CNTNAP5: variants seen among roughly 807,000 people sequenced by gnomAD.
CNTNAP5 encodes contactin associated protein family member 5, also known as contactin-associated protein-like 5.
Under a neutral mutation model 150.2 loss-of-function variants are expected in CNTNAP5, and 72 were observed. The observed-to-expected ratio is 0.48, with a 90% CI of 0.40 to 0.58. The LOEUF (loss-of-function observed/expected upper bound fraction) is 0.58. Among genes scored for constraint, CNTNAP5 ranks in the 20% least tolerant of loss-of-function variants. The pLI is 0.00. For synonymous variants in CNTNAP5, 672 were observed against 619.8 expected, an observed-to-expected ratio of 1.08 and a Z score of -1.25; for missense variants, 1,636 against 1,626.2, an observed-to-expected ratio of 1.01 and a Z score of -0.10.
chr2:124,755,237 T>C (rs1680814594), intron 14 of CNTNAP5, among the ~76,000 whole-genome samples: 1 of 152,180 alleles, frequency 6.6e-6, no homozygotes, highest in Non-Finnish European at 1.5e-5. Context: ...CCCTGAGGTT[T>C]CTATTACATC....
At chr2:124,494,345 G>A (rs2104853451) in intron 7 of CNTNAP5, among the ~76,000 whole-genome samples, 1 of 152,220 alleles carries the variant, frequency 6.6e-6, no homozygotes, top group South Asian at 2.1e-4. Context: ...GGCGCCTGGA[G>A]TTGTTGTTCA....
intron 3 of CNTNAP5, among the ~76,000 whole-genome samples, chr2:124,333,620 T>C (rs1466180027): frequency 6.6e-6 from 1 of 152,188 alleles, no homozygotes; most frequent in African/African-American, 2.4e-5. Flanking sequence ...CTGTTTTAAA[T>C]AACTGATTGA....
chr2:124,483,917 A>G (rs1440105734), intron 7 of CNTNAP5, among the ~76,000 whole-genome samples: 1 of 151,972 alleles, frequency 6.6e-6, no homozygotes, highest in Non-Finnish European at 1.5e-5. Context: ...TTTGACAGCC[A>G]CCCTTCCCCT....
chr2:124,465,906 G>C (rs1693366415), intron 6 of CNTNAP5, among the ~76,000 whole-genome samples: 1 of 152,030 alleles, frequency 6.6e-6, no homozygotes. Context: ...TTGGATGGAG[G>C]GAACGAGATT....
At chr2:124,854,041 C>T (rs1297019453) in intron 19 of CNTNAP5, among the ~76,000 whole-genome samples, 1 of 152,150 alleles carries the variant, frequency 6.6e-6, no homozygotes. Context: ...ACCATATCTA[C>T]TTTATCCAAT....
chr2:124,777,161 G>A (rs1004082616), intron 17 of CNTNAP5, among the ~76,000 whole-genome samples: 4 of 150,280 alleles, frequency 2.7e-5, no homozygotes, highest in Non-Finnish European at 4.4e-5. Context: ...AAAAAAAAAA[G>A]ATGAAGAACA....
At chr2:124,748,933 C>T (rs927273435) in intron 14 of CNTNAP5, among the ~76,000 whole-genome samples, 1 of 152,198 alleles carries the variant, frequency 6.6e-6, no homozygotes, top group African/African-American at 2.4e-5. Context: ...CTTTATCCTG[C>T]AGCGAATTCT....
chr2:124,367,855 G>A (rs537803713), intron 3 of CNTNAP5, among the ~76,000 whole-genome samples: 32 of 152,308 alleles, frequency 2.1e-4, no homozygotes, highest in African/African-American at 7.5e-4. Flanking sequence ...AAAGAAATCA[G>A]TTCTTGGAAG....
At chr2:124,616,362 C>T (rs760367288) in intron 12 of CNTNAP5, among the ~76,000 whole-genome samples, 11 of 152,122 alleles carry the variant, frequency 7.2e-5, no homozygotes, top group East Asian at 5.8e-4. Flanking sequence ...CCTCATGATC[C>T]GGCCTCTGCT....
At chr2:124,685,719 G>A (rs1573546935) in intron 13 of CNTNAP5, among the ~76,000 whole-genome samples, 2 of 150,438 alleles carry the variant, frequency 1.3e-5, no homozygotes, top group South Asian at 2.1e-4. Flanking sequence ...AGAGTCTGTA[G>A]ACACCCAATA....
intron 3 of CNTNAP5, among the ~76,000 whole-genome samples, chr2:124,317,068 G>A (rs974212830): frequency 2.6e-5 from 4 of 152,070 alleles, no homozygotes; most frequent in African/African-American, 9.7e-5. Context: ...CATCTGCTTA[G>A]TCTGGGCAGC....
intron 19 of CNTNAP5, among the ~76,000 whole-genome samples, chr2:124,827,703 CT>C: frequency 6.6e-6 from 1 of 152,166 alleles, no homozygotes; most frequent in East Asian, 1.9e-4. Flanking sequence ...ATACATTTTC[CT>C]TTTTTATCGT....
chr2:124,121,765 T>G (rs1462205446), intron 1 of CNTNAP5, among the ~76,000 whole-genome samples: 1 of 152,112 alleles, frequency 6.6e-6, no homozygotes, highest in East Asian at 1.9e-4. Context: ...AGACCTGAAG[T>G]TTCCCTACCA....
At chr2:124,381,813 G>T (rs1435347632) in intron 3 of CNTNAP5, among the ~76,000 whole-genome samples, 1 of 152,042 alleles carries the variant, frequency 6.6e-6, no homozygotes, top group African/African-American at 2.4e-5. Context: ...GGCCACTTAG[G>T]GAAAGATCTT....
At chr2:124,539,015 G>A (rs1239207702) in intron 10 of CNTNAP5, among the ~76,000 whole-genome samples, 1 of 152,136 alleles carries the variant, frequency 6.6e-6, no homozygotes, top group Non-Finnish European at 1.5e-5. Context: ...GGCCCTTGAG[G>A]CGAAGCACCT....
intron 1 of CNTNAP5, among the ~76,000 whole-genome samples, chr2:124,154,484 C>T (rs145358334): frequency 1.3e-5 from 2 of 152,212 alleles, no homozygotes; most frequent in East Asian, 1.9e-4. Flanking sequence ...CCTCCCCTCC[C>T]CCGAGGTGCA....
intron 1 of CNTNAP5, among the ~76,000 whole-genome samples, chr2:124,152,818 A>G (rs1470910637): frequency 6.6e-6 from 1 of 152,164 alleles, no homozygotes; most frequent in Non-Finnish European, 1.5e-5. Flanking sequence ...ATTATAGCAT[A>G]TACTTCTCCG....
chr2:124,362,914 T>G (rs927744388), intron 3 of CNTNAP5, among the ~76,000 whole-genome samples: 1 of 152,200 alleles, frequency 6.6e-6, no homozygotes, highest in African/African-American at 2.4e-5. Context: ...TACTGCTCAA[T>G]AAATATGCAG....
At chr2:124,641,242 C>CA (rs1308387182) in intron 12 of CNTNAP5, among the ~76,000 whole-genome samples, 1 of 151,670 alleles carries the variant, frequency 6.6e-6, no homozygotes, top group Non-Finnish European at 1.5e-5. Flanking sequence ...CAACACTGCA[C>CA]AATGAGTTAT....
Sources: allele counts gnomAD v4.1 joint callset (sites outside exome capture counted in the v4.1 genomes callset), GRCh38; gene constraint gnomAD v4.1.1; transcripts MANE v1.5; gene names NCBI Gene and HGNC (gene_info 2026-07-23, HGNC 2026-07-21).